Variants in DYNC1H1 observed in about 807,000 individuals in gnomAD.
DYNC1H1 encodes dynein cytoplasmic 1 heavy chain 1.
A neutral mutation model predicts 527.1 loss-of-function variants in DYNC1H1; 51 were observed. That is an observed-to-expected ratio of 0.10 (90% CI 0.08 to 0.12). The LOEUF is 0.12. Among genes scored for constraint, DYNC1H1 ranks in the 10% least tolerant of loss-of-function variants. The probability of loss-of-function intolerance (pLI) is 1.00; values close to 1 mark genes in which losing one functional copy is unlikely to be tolerated. For missense variants in DYNC1H1, 2,771 were observed against 5,971.8 expected, an observed-to-expected ratio of 0.46 and a Z score of 17.66; for synonymous variants, 2,189 against 2,278.8, an observed-to-expected ratio of 0.96 and a Z score of 1.12.
chr14:102,006,087 A>C lies in DYNC1H1; in HGVS notation c.5633A>C (p.Lys1878Thr). ...YGFEYLGVQD[K>T]LVQTPLTDRC... ...TTTGAGTACCTGGGTGTTCAGGACA[A>C]ACTGGTCCAGACCCCCCTCACTGAC... is the stretch of plus-strand genomic sequence containing the variant. The change falls in exon 27 of 78, where the codon AAA becomes ACA. Residue 1878 changes from lysine (K) to threonine (T), a missense_variant. By Grantham distance (78) the Lys-to-Thr change is moderately conservative. Transcript: ENST00000360184. 1.2e-6 allele frequency: 2 copies of C among 1,614,250 alleles called. No individual in the cohort carries two copies. Among genetic ancestry groups the C allele is most frequent in the East Asian group, 2.2e-5 (1 of 44,888 alleles).
In DYNC1H1 at chr14:102,016,090, A is replaced by C; in HGVS notation, c.7473+4A>C. The C allele has an allele frequency of 6.3e-7, 1 of 1,596,640 alleles. No homozygotes were observed. The highest frequency in any genetic ancestry group is 8.5e-7 in the Non-Finnish European group (1 of 1,172,302). On this transcript the variant is annotated splice_donor_region_variant and intron_variant, in intron 36 of 77. Coordinates refer to ENST00000360184, the MANE Select transcript of DYNC1H1 (RefSeq NM_001376.5). This position sits in a 1 kb window ranked among gnomAD's most constrained non-coding sequence, Gnocchi z 7.3. ...GCAGCTGGAGCGCTACATTCAGGTC[A>C]GGGGGCATCAGGGGCTTCACAGAGC... is the stretch of plus-strand genomic sequence containing the variant.
rs1458521078 is a variant in DYNC1H1, at chr14:102,036,891, A to C, written c.10908+249A>C. The C allele has an allele frequency of 2.4e-6, 1 of 413,920 alleles. No homozygotes were observed. The highest frequency in any genetic ancestry group is 5.7e-5 in the East Asian group (1 of 17,674). 25.6% of individuals were successfully genotyped at this position (413,920 alleles called of 1,614,324 possible). A position where few individuals can be genotyped will look rare whatever the true frequency, so the allele number is the denominator to read the frequency against. ...GAGGCCGAGGCGGGTGGATCATCTAAGGTCAGGAATTCAAGAAAAGCCTGG... is the reference window on the plus strand; with the variant it reads ...GAGGCCGAGGCGGGTGGATCATCTACGGTCAGGAATTCAAGAAAAGCCTGG... On this transcript the variant is annotated intron_variant, in intron 57 of 77. Coordinates refer to ENST00000360184, the MANE Select transcript of DYNC1H1 (RefSeq NM_001376.5). The surrounding 1 kb of genome is among the most constrained non-coding windows in gnomAD (Gnocchi z 5.6).
chr14:102,026,868 C>T (rs2048457062), intron 44 of DYNC1H1, 161 bp downstream of exon 44: 1 of 1,104,514 alleles, frequency 9.1e-7, no homozygotes, highest in South Asian at 1.4e-5. Flanking sequence ...CCAGCTTAAC[C>T]ATCCTCAGTT....
At position 102,051,189 on chromosome 14, in the gene DYNC1H1, G is replaced by A. The variant is rs1488307912; in HGVS notation, c.*626G>A. 2.3e-5 allele frequency: 4 copies of A among 171,500 alleles called. No homozygotes were observed. The highest frequency in any genetic ancestry group is 3.8e-5 in the Non-Finnish European group (3 of 79,926). The allele number at this position is 171,500 out of a possible 1,614,324, so 10.6% of individuals were successfully genotyped here. On this transcript the variant is annotated 3_prime_UTR_variant, in exon 78 of 78. Coordinates refer to ENST00000360184, the MANE Select transcript of DYNC1H1 (RefSeq NM_001376.5). Reference sequence around the variant, plus strand: ...GAGGATCACCCAAGCCCAAGAGGTCGAGGCTGCAGTGAGCTGTGATCTCAC... The same window carrying A: ...GAGGATCACCCAAGCCCAAGAGGTCAAGGCTGCAGTGAGCTGTGATCTCAC...
At chr14:102,034,617 G>GTT (rs765027868) in intron 56 of DYNC1H1, 165 bp downstream of exon 56, 3 of 1,141,658 alleles carry the variant, frequency 2.6e-6, no homozygotes, top group Non-Finnish European at 3.8e-6. Flanking sequence ...TGCTGTTCTC[G>GTT]TTATTGTCAA....
intron 48 of DYNC1H1, 65 bp downstream of exon 48, chr14:102,028,206 A>C (rs2048471771): frequency 2.5e-6 from 4 of 1,585,374 alleles, no homozygotes. Context: ...TATAAAACTA[A>C]ATTGCTATAA....
At position 102,049,803 on chromosome 14, in the gene DYNC1H1, C is replaced by T; in HGVS notation, c.13605C>T (p.Ser4535=). The T allele has an allele frequency of 6.2e-7, 1 of 1,613,898 alleles. No homozygotes were observed. Among genetic ancestry groups the T allele is most frequent in the African/African-American group, 1.3e-5 (1 of 75,052 alleles). ...ATGTGGCCCAGGCCAACAGCTGGTC[C>T]CTGGAGGAGCTCTGCCTGGAAGTCA... The part of the protein sequence containing the change: ...RQYVAQANSW[S]LEELCLEVNV... The change falls in exon 76 of 78, where the codon TCC becomes TCT. Residue 4535 remains serine, a synonymous_variant. Coordinates refer to ENST00000360184, the MANE Select transcript of DYNC1H1 (RefSeq NM_001376.5). The surrounding 1 kb of genome is among the most constrained non-coding windows in gnomAD (Gnocchi z 5.5).
chr14:102,017,039 T>C lies in DYNC1H1; in HGVS notation c.7848+40T>C. The C allele has an allele frequency of 6.2e-7, 1 of 1,614,240 alleles. No homozygotes were observed. The highest frequency in any genetic ancestry group is 8.5e-7 in the Non-Finnish European group (1 of 1,180,024). ...AGGTGGGCAGCAGACCTTTTGGTGC[T>C]GAGCATGGGGTTGGTCTTACAGTGT... On this transcript the variant is annotated intron_variant, in intron 38 of 77. Coordinates refer to ENST00000360184, the MANE Select transcript of DYNC1H1 (RefSeq NM_001376.5). This position sits in a 1 kb window ranked among gnomAD's most constrained non-coding sequence, Gnocchi z 4.6.
In DYNC1H1 at chr14:102,050,473, C is replaced by T. The variant is rs1231105227; in HGVS notation, c.13851C>T (p.Asp4617=). ...TCTACCTGAACTTCACCCGTGCAGA[C>T]CTCATCTTCACCGTGGACTTCGAAA... ...LPVYLNFTRA[D]LIFTVDFEIA... The change falls in exon 78 of 78, where the codon GAC becomes GAT. Residue 4617 remains aspartate (D), a synonymous_variant. Coordinates refer to ENST00000360184, the MANE Select transcript of DYNC1H1 (RefSeq NM_001376.5). 5 of 1,614,232 alleles carry T rather than the reference C, an allele frequency of 3.1e-6. No individual in the cohort carries two copies. The highest frequency in any genetic ancestry group is 4.2e-6 in the Non-Finnish European group (5 of 1,180,052).
rs2048663819 is a variant in DYNC1H1, at chr14:102,042,461, C to T, written c.12353C>T (p.Pro4118Leu). Residue 4118 changes from proline (P) to leucine (L), a missense_variant, in exon 68 of 78, where the codon CCG (proline) becomes CTG (leucine). Physicochemically the swap from Pro to Leu is moderately conservative, Grantham distance 98. Transcript: ENST00000360184. The surrounding 1 kb of genome is among the most constrained non-coding windows in gnomAD (Gnocchi z 5.7). ...GAGAAGAAGTTGCATTCCCTGCAGC[C>T]GCATGCCTGCTTCCGACTCTTCCTC... Reference protein sequence around the residue: ...QLEKKLHSLQPHACFRLFLTM... With the variant: ...QLEKKLHSLQLHACFRLFLTM... 9 of 1,614,070 alleles carry T rather than the reference C, an allele frequency of 5.6e-6. No homozygotes were observed. Among genetic ancestry groups the T allele is most frequent in the Non-Finnish European group, 7.6e-6 (9 of 1,180,020 alleles).
intron 16 of DYNC1H1, among the ~76,000 whole-genome samples, chr14:101,999,679 G>A (rs950956243): frequency 1.3e-5 from 2 of 152,164 alleles, no homozygotes; most frequent in African/African-American, 4.8e-5. Flanking sequence ...TATCACTGGG[G>A]ATGTGCACTT....
At position 102,023,061 on chromosome 14, in the gene DYNC1H1, G is replaced by A. The variant is rs549582567; in HGVS notation, c.8637+181G>A. 1.3e-5 allele frequency: 13 copies of A among 989,818 alleles called. No individual in the cohort carries two copies. In the South Asian group the frequency reaches 1.4e-4, roughly 10 times the overall value. The allele number at this position is 989,818 out of a possible 1,614,324, so 61.3% of individuals were successfully genotyped here. A position where few individuals can be genotyped will look rare whatever the true frequency, so the allele number is the denominator to read the frequency against. On this transcript the variant is annotated intron_variant, in intron 43 of 77. Transcript: ENST00000360184. ...GAGGATCACTTGATCCCAGGAGTTT[G>A]AGACCAGCCTGGGCAACATAGTAAG...
At chr14:102,019,854 G>C (rs375280054) in intron 41 of DYNC1H1, 39 bp from the exon 42 acceptor site, 37 of 1,613,280 alleles carry the variant, frequency 2.3e-5, no homozygotes, top group Non-Finnish European at 3.1e-5. Flanking sequence ...TGTGTCTTAA[G>C]ATATTTACGT....
rs138571942 is a variant in DYNC1H1 at position 102,050,093 on chromosome 14, G to A, written c.13707G>A (p.Thr4569=). The A allele has an allele frequency of 2.7e-4, 412 of 1,554,052 alleles. 2 individuals are homozygous for A. The highest frequency in any genetic ancestry group is 1.7e-3 in the Middle Eastern group (10 of 6,028). Residue 4569 remains threonine, a synonymous_variant, in exon 77 of 78, where the codon ACG becomes ACA. Transcript: ENST00000360184. ...CAGGTTTGAAACTTCAAGGGGCCAC[G>A]TGCAACAACAACAAGCTGTCACTGT... The part of the protein sequence containing the change: ...GVTGLKLQGA[T]CNNNKLSLSN...
Position 102,012,608 on chromosome 14 carries a change from A to G in DYNC1H1, c.7014+138A>G, listed in dbSNP as rs1178404049. 1 of 1,233,428 alleles carries G rather than the reference A, an allele frequency of 8.1e-7. No homozygotes were observed. Among genetic ancestry groups the G allele is most frequent in the Non-Finnish European group, 1.2e-6 (1 of 849,112 alleles). The allele number at this position is 1,233,428 out of a possible 1,614,324, so 76.4% of individuals were successfully genotyped here. On this transcript the variant is annotated intron_variant, in intron 34 of 77. Transcript: ENST00000360184. This position sits in a 1 kb window ranked among gnomAD's most constrained non-coding sequence, Gnocchi z 4.9. Reference sequence around the variant, plus strand: ...ATCATTGTGTAAGTAATTTTCAAAGATAGCATCTCAACTGCTAGATTTTTT... The same window carrying G: ...ATCATTGTGTAAGTAATTTTCAAAGGTAGCATCTCAACTGCTAGATTTTTT...
rs1481312477 is a variant in DYNC1H1, at chr14:102,018,803, A to C, written c.8343+187A>C. ...TGGCAAAACCCTGTCTCTACAAAAA[A>C]TAGGTGGGCGTGGTGGTGCATGCTT... On this transcript the variant is annotated intron_variant, in intron 41 of 77. Transcript: ENST00000360184. The surrounding 1 kb of genome is among the most constrained non-coding windows in gnomAD (Gnocchi z 5.2). 1.3e-5 allele frequency among the ~76,000 whole-genome samples: 2 copies of C among 152,162 alleles called. No homozygotes were observed. The highest frequency in any genetic ancestry group is 4.8e-5 in the African/African-American group (2 of 41,436).
chr14:101,984,932 CAAAAAAAAAA>C (rs773102943), intron 7 of DYNC1H1, among the ~76,000 whole-genome samples: 12 of 40,160 alleles, frequency 3.0e-4, no homozygotes, highest in South Asian at 1.1e-3. Context: ...GGCTCCGTCT[CAAAAAAAAAA>C]AAAAAAAAAA....
chr14:102,051,428 T>C lies in DYNC1H1; in HGVS notation c.*865T>C, dbSNP rs1275247910. 2 of 151,094 alleles carry C rather than the reference T, an allele frequency of 1.3e-5. No homozygotes were observed. Among genetic ancestry groups the C allele is most frequent in the Non-Finnish European group, 2.9e-5 (2 of 68,130 alleles). The allele number at this position is 151,094 out of a possible 1,614,324, so 9.4% of individuals were successfully genotyped here. A position where few individuals can be genotyped will look rare whatever the true frequency, so the allele number is the denominator to read the frequency against. ...TGAACCTGGGAGGCGGAGGTTGCAG[T>C]GAGCTGAAAAAAAAAAAGGCAGCCC... On this transcript the variant is annotated 3_prime_UTR_variant, in exon 78 of 78. Coordinates refer to ENST00000360184, the MANE Select transcript of DYNC1H1 (RefSeq NM_001376.5).
At position 101,985,601 on chromosome 14, in the gene DYNC1H1, G is replaced by C. The variant is rs924089554; in HGVS notation, c.1462-86G>C. On this transcript the variant is annotated intron_variant, in intron 7 of 77. Transcript: ENST00000360184. This position sits in a 1 kb window ranked among gnomAD's most constrained non-coding sequence, Gnocchi z 5.9. ...GGCCTCCCAAAGTGCTGGGATTACA[G>C]GTGTGAGCCACTGCACCCGGCTTAA... The C allele has an allele frequency of 2.7e-6, 4 of 1,470,534 alleles. No homozygotes were observed. The highest frequency in any genetic ancestry group is 3.8e-6 in the Non-Finnish European group (4 of 1,055,136). The allele number at this position is 1,470,534 out of a possible 1,614,324, so 91.1% of individuals were successfully genotyped here. A position where few individuals can be genotyped will look rare whatever the true frequency, so the allele number is the denominator to read the frequency against.
Sources: allele counts gnomAD v4.1 joint callset (sites outside exome capture counted in the v4.1 genomes callset), GRCh38; gene constraint gnomAD v4.1.1; non-coding constraint Gnocchi (gnomAD v3.1); transcripts MANE v1.5; gene names NCBI Gene and HGNC (gene_info 2026-07-23, HGNC 2026-07-21).